ACYP2: variants seen among roughly 807,000 people sequenced by gnomAD.
ACYP2 encodes the protein acylphosphatase-2.
Under a neutral mutation model 11.2 loss-of-function variants are expected in ACYP2, and 12 were observed. That is an observed-to-expected ratio of 1.08 (90% CI 0.69 to 1.74). The LOEUF (loss-of-function observed/expected upper bound fraction) is 1.74. Among genes scored for constraint, ACYP2 ranks in the 40% most tolerant of loss-of-function variants. The pLI, the probability that ACYP2 is intolerant of heterozygous loss-of-function variation, is 0.00. For synonymous variants in ACYP2, 43 were observed against 32.2 expected (o/e 1.33, Z -1.13); for missense variants, 134 against 101.9 (o/e 1.31, Z -1.35).
At chr2:54,085,458 T>A (rs1677900360) in intron 4 of ACYP2, among the ~76,000 whole-genome samples, 1 of 152,042 alleles carries the variant, frequency 6.6e-6, no homozygotes, top group South Asian at 2.1e-4. Context: ...TCATCTTTCT[T>A]TTTTTTTAAA....
At chr2:54,244,049 T>G (rs1363890975) in intron 6 of ACYP2, among the ~76,000 whole-genome samples, 2 of 152,138 alleles carry the variant, frequency 1.3e-5, no homozygotes, top group Non-Finnish European at 2.9e-5. Flanking sequence ...TTATTTCATT[T>G]TTAAAATTTA....
In ACYP2 at chr2:53,990,210, C is replaced by T. The variant is rs527706931; in HGVS notation, c.62+16400C>T. Among the ~76,000 whole-genome samples the T allele has an allele frequency of 5.9e-5, 9 of 151,962 alleles. 1 individual carries two copies. The South Asian group carries it at 1.9e-3, about 32-fold the overall frequency. Reference sequence around the variant, plus strand: ...GTCAGGCTGGTTTTGAACTCCTGACCTCAAGTGACTTACCCGCCTCGGCCT... The same window carrying T: ...GTCAGGCTGGTTTTGAACTCCTGACTTCAAGTGACTTACCCGCCTCGGCCT... On this transcript the variant is annotated intron_variant, in intron 2 of 6. Transcript: ENST00000607452.
chr2:54,016,185 A>G (rs1451515064), intron 2 of ACYP2, among the ~76,000 whole-genome samples: 2 of 151,608 alleles, frequency 1.3e-5, no homozygotes, highest in African/African-American at 4.9e-5. Flanking sequence ...CTCAGTTTCC[A>G]CATCTGTTTG....
chr2:54,246,185 C>A (rs941697024), intron 6 of ACYP2, among the ~76,000 whole-genome samples: 2 of 152,124 alleles, frequency 1.3e-5, no homozygotes, highest in Admixed American at 6.5e-5. Flanking sequence ...GGATTAATTT[C>A]TGGGTTCTCT....
rs1684232230 is a variant in ACYP2 at position 54,191,392 on chromosome 2, T to G, written c.404+52644T>G. Among the ~76,000 whole-genome samples the G allele has an allele frequency of 2.0e-5, 3 of 152,310 alleles. No homozygotes were observed. The South Asian group carries it at 6.2e-4, about 32-fold the overall frequency. On this transcript the variant is annotated intron_variant, in intron 6 of 6. Coordinates refer to ENST00000607452, the MANE Select transcript of ACYP2 (RefSeq NM_001320586.2). ...GGCAAACAAACACACAAATGCTGCC[T>G]CAGGGTGGCACTTGCTCTTCCCGCT...
intron 6 of ACYP2, among the ~76,000 whole-genome samples, chr2:54,224,746 T>C (rs1009506520): frequency 2.0e-5 from 3 of 152,218 alleles, no homozygotes; most frequent in African/African-American, 7.2e-5. Flanking sequence ...GGCTGCCTCC[T>C]TTCTGTATCA....
intron 6 of ACYP2, among the ~76,000 whole-genome samples, chr2:54,300,278 G>T (rs535905330): frequency 1.3e-5 from 2 of 152,280 alleles, no homozygotes; most frequent in South Asian, 2.1e-4. Flanking sequence ...ATGAGAGTAT[G>T]TGTAGTGGAC....
intron 6 of ACYP2, among the ~76,000 whole-genome samples, chr2:54,263,932 G>A (rs1687896991): frequency 6.6e-6 from 1 of 152,212 alleles, no homozygotes; most frequent in Admixed American, 6.5e-5. Flanking sequence ...AGGAAGAGCA[G>A]TAAGTGCCTA....
chr2:54,297,297 C>T (rs1176569824), intron 6 of ACYP2, among the ~76,000 whole-genome samples: 1 of 148,086 alleles, frequency 6.8e-6, no homozygotes, highest in African/African-American at 2.7e-5. Context: ...AGTTTAAGAC[C>T]AGCCTGGGCA....
intron 2 of ACYP2, among the ~76,000 whole-genome samples, chr2:54,024,416 A>G (rs1161892619): frequency 6.6e-6 from 1 of 152,190 alleles, no homozygotes; most frequent in Non-Finnish European, 1.5e-5. Context: ...CATACCAGGG[A>G]TGCAGGGATG....
At chr2:54,025,030 C>G (rs146760254) in intron 2 of ACYP2, among the ~76,000 whole-genome samples, 132 of 152,136 alleles carry the variant, frequency 8.7e-4, no homozygotes, top group African/African-American at 2.9e-3. Context: ...TAGGAATATA[C>G]CTAACCATGG....
chr2:54,007,068 G>T (rs1673103041), intron 2 of ACYP2, among the ~76,000 whole-genome samples: 1 of 143,624 alleles, frequency 7.0e-6, no homozygotes, highest in South Asian at 2.3e-4. Flanking sequence ...GAACCTAGGA[G>T]GTGGAGGTTG....
At chr2:54,233,794 C>T (rs1300811966) in intron 6 of ACYP2, among the ~76,000 whole-genome samples, 1 of 152,002 alleles carries the variant, frequency 6.6e-6, no homozygotes, top group South Asian at 2.1e-4. Context: ...CTCTCTCTTA[C>T]ATTAAGGGAA....
intron 6 of ACYP2, chr2:54,254,966 T>G (rs1428318169): frequency 1.2e-5 from 19 of 1,613,832 alleles, no homozygotes; most frequent in Non-Finnish European, 1.6e-5. Flanking sequence ...ACTGGCTCCC[T>G]TACCAGGCGA....
intron 4 of ACYP2, chr2:54,123,390 GC>G (rs1395464208): frequency 2.5e-6 from 1 of 398,444 alleles, no homozygotes; most frequent in Non-Finnish European, 4.4e-6. Flanking sequence ...GAGAATGACT[GC>G]CCTTGTTCTA....
chr2:54,067,267 A>G (rs1177848787), intron 4 of ACYP2, among the ~76,000 whole-genome samples: 3 of 152,212 alleles, frequency 2.0e-5, no homozygotes, highest in Non-Finnish European at 4.4e-5. Context: ...AGCAATTTTT[A>G]TATTTGCTAC....
chr2:54,173,923 T>C (rs903873352), intron 6 of ACYP2, among the ~76,000 whole-genome samples: 26 of 152,198 alleles, frequency 1.7e-4, no homozygotes, highest in Non-Finnish European at 2.6e-4. Context: ...CATGCTGTTT[T>C]GGTTACTGCA....
chr2:54,163,770 C>T (rs1420619444), intron 6 of ACYP2, among the ~76,000 whole-genome samples: 2 of 151,918 alleles, frequency 1.3e-5, no homozygotes, highest in Non-Finnish European at 2.9e-5. Context: ...GCAGGAGAAT[C>T]GCTTGAACCC....
Position 54,214,597 on chromosome 2 carries a change from A to G in ACYP2, c.404+75849A>G, listed in dbSNP as rs145505152. Among the ~76,000 whole-genome samples the G allele has an allele frequency of 5.9e-3, 892 of 152,242 alleles. 6 individuals carry two copies. Among genetic ancestry groups the G allele is most frequent in the African/African-American group, 0.02 (849 of 41,556 alleles). The stretch of plus-strand genomic sequence containing the variant: ...GTTCTCTAATCTGTTTCATTGGTCT[A>G]TGTGTCTGTTTTTGTACCAGTATAG... On this transcript the variant is annotated intron_variant, in intron 6 of 6. Transcript: ENST00000607452.
Sources: gnomAD v4.1 joint callset for allele counts (sites outside exome capture counted in the v4.1 genomes callset) on GRCh38, gnomAD v4.1.1 for gene constraint, MANE v1.5 for transcripts, NCBI Gene and HGNC (gene_info 2026-07-23, HGNC 2026-07-21) for gene names.